GATA4: variants seen among roughly 807,000 people sequenced by gnomAD.
The protein encoded by GATA4 is GATA binding protein 4.
Under a neutral mutation model 37.9 loss-of-function variants are expected in GATA4, and 7 were observed. The ratio of observed to expected loss-of-function variants is 0.18; its 90% CI spans 0.11 to 0.35. The LOEUF is 0.35. GATA4 is among the 10% of genes least tolerant of loss of function. The pLI is 1.00. For missense variants in GATA4, 647 were observed against 653.0 expected (o/e 0.99, Z 0.10); for synonymous variants, 372 against 292.6 (o/e 1.27, Z -2.77).
In GATA4 at chr8:11,756,928, A is replaced by T; in HGVS notation, c.1001-7A>T. The T allele has an allele frequency of 6.2e-7, 1 of 1,614,204 alleles. No homozygotes were observed. The highest frequency in any genetic ancestry group is 8.5e-7 in the Non-Finnish European group (1 of 1,180,044). ...GATTTGGGTGTGCTGACTCTGCTTCATTCCAGCTCCTTCAGGCAGTGAGAG... is the reference window on the plus strand; with the variant it reads ...GATTTGGGTGTGCTGACTCTGCTTCTTTCCAGCTCCTTCAGGCAGTGAGAG... On this transcript the variant is annotated splice_polypyrimidine_tract_variant and splice_region_variant and intron_variant, in intron 5 of 6. Coordinates refer to ENST00000532059, the MANE Select transcript of GATA4 (RefSeq NM_001308093.3).
At chr8:11,702,331 G>T (rs1003368525), upstream of GATA4, among the ~76,000 whole-genome samples, 9 of 152,030 alleles carry the variant, frequency 5.9e-5, no homozygotes, top group Admixed American at 5.2e-4. This position sits in a 1 kb window ranked among gnomAD's most constrained non-coding sequence, Gnocchi z 4.4. Context: ...GAGACCCCGG[G>T]TAGCGCTGGA....
intron 1 of GATA4, among the ~76,000 whole-genome samples, chr8:11,682,900 G>A (rs142219990): frequency 1.3e-5 from 2 of 152,278 alleles, no homozygotes; most frequent in East Asian, 3.9e-4. Flanking sequence ...AACTACTCCG[G>A]AGAATTCGGT....
upstream of GATA4, among the ~76,000 whole-genome samples, chr8:11,703,177 T>TAAA (rs67213838): frequency 1.4e-5 from 2 of 144,538 alleles, no homozygotes; most frequent in East Asian, 4.0e-4. Flanking sequence ...AACGCGGCCT[T>TAAA]AAAAAAAAAA....
chr8:11,697,869 A>G (rs1286633089), intron 1 of GATA4: 1 of 985,280 alleles, frequency 1.0e-6, no homozygotes, highest in African/African-American at 1.7e-5. Flanking sequence ...CCTTTGCGGA[A>G]ACGGGCCGAG....
chr8:11,748,883 T>C, intron 2 of GATA4, 33 bp from the exon 3 acceptor site: 1 of 1,612,194 alleles, frequency 6.2e-7, no homozygotes, highest in Non-Finnish European at 8.5e-7. Context: ...ATTAATCCTC[T>C]GTGTCTTTTC....
chr8:11,718,501 C>A (rs1800530818), intron 2 of GATA4, among the ~76,000 whole-genome samples: 1 of 152,116 alleles, frequency 6.6e-6, no homozygotes, highest in Non-Finnish European at 1.5e-5. Context: ...TGTCTGTAAC[C>A]CACATTGAAT....
chr8:11,697,735 C>T, intron 1 of GATA4: 1 of 985,486 alleles, frequency 1.0e-6, no homozygotes, highest in Non-Finnish European at 1.2e-6. Context: ...CCTGTCTCTG[C>T]TCGCCGCGCC....
intron 2 of GATA4, among the ~76,000 whole-genome samples, chr8:11,727,629 G>A (rs1424328581): frequency 1.3e-5 from 2 of 152,040 alleles, no homozygotes; most frequent in African/African-American, 2.4e-5. Flanking sequence ...GATCGCTTGA[G>A]CTCAGGAGTT....
intron 4 of GATA4, among the ~76,000 whole-genome samples, chr8:11,754,470 G>A (rs529567497): frequency 4.0e-4 from 61 of 152,180 alleles, no homozygotes; most frequent in African/African-American, 1.4e-3. Flanking sequence ...CTCCCACCTC[G>A]GCCACCCAAA....
rs1423151035 is a variant in GATA4, at chr8:11,708,670, G to A, written c.358G>A (p.Ala120Thr). Residue 120 changes from alanine to threonine, a missense_variant, in exon 2 of 7, where the codon GCC becomes ACC. Physicochemically the swap from Ala to Thr is moderately conservative, Grantham distance 58. Coordinates refer to ENST00000532059, the MANE Select transcript of GATA4 (RefSeq NM_001308093.3). This position sits in a 1 kb window ranked among gnomAD's most constrained non-coding sequence, Gnocchi z 6.7. Reference protein sequence around the residue: ...FPGTTGSLAAAAAAAAAREAA... With the variant: ...FPGTTGSLAATAAAAAAREAA... ...GGGGACCACCGGGTCCCTGGCGGCC[G>A]CCGCCGCCGCTGCCGCGGCCCGGGA... is the stretch of plus-strand genomic sequence containing the variant. 3.9e-6 allele frequency: 5 copies of A among 1,286,550 alleles called. No individual in the cohort carries two copies. The highest frequency in any genetic ancestry group is 5.2e-5 in the South Asian group (2 of 38,646). 79.7% of individuals were successfully genotyped at this position (1,286,550 alleles called of 1,614,324 possible).
At chr8:11,750,666 C>T (rs76925297) in intron 4 of GATA4, among the ~76,000 whole-genome samples, 51 of 150,788 alleles carry the variant, frequency 3.4e-4, no homozygotes, top group African/African-American at 1.2e-3. Context: ...GGCATCATGA[C>T]TCATGCCTGT....
intron 2 of GATA4, among the ~76,000 whole-genome samples, chr8:11,723,855 T>G (rs1415539409): frequency 6.6e-6 from 1 of 152,230 alleles, no homozygotes; most frequent in Non-Finnish European, 1.5e-5. Flanking sequence ...CATTATTAAG[T>G]GTACAGTTGG....
chr8:11,704,230 C>A lies in GATA4; in HGVS notation c.-532C>A, dbSNP rs754541903. The A allele has an allele frequency of 6.6e-6, 1 of 152,412 alleles. No individual in the cohort carries two copies. Among genetic ancestry groups the A allele is most frequent in the Non-Finnish European group, 1.5e-5 (1 of 68,094 alleles). 9.4% of individuals were successfully genotyped at this position (152,412 alleles called of 1,614,324 possible). ...GACTTGGAGGCGGCCGGCGCAGGGG[C>A]CGCGAGAGGCTTCGTCGCCGCTGCA... On this transcript the variant is annotated 5_prime_UTR_variant, in exon 1 of 7. Coordinates refer to ENST00000532059, the MANE Select transcript of GATA4 (RefSeq NM_001308093.3).
chr8:11,739,531 A>C (rs1801622086), intron 2 of GATA4, among the ~76,000 whole-genome samples: 1 of 151,744 alleles, frequency 6.6e-6, no homozygotes, highest in African/African-American at 2.4e-5. Flanking sequence ...ACACACACAC[A>C]CACGGAAACT....
upstream of GATA4, among the ~76,000 whole-genome samples, chr8:11,699,155 G>A (rs1799593463): frequency 6.6e-6 from 1 of 152,198 alleles, no homozygotes; most frequent in South Asian, 2.1e-4. Context: ...CCTTTTGGGG[G>A]TGTAGAAGGG....
chr8:11,701,225 C>A (rs888430119), upstream of GATA4, among the ~76,000 whole-genome samples: 7 of 133,834 alleles, frequency 5.2e-5, no homozygotes, highest in Admixed American at 5.7e-4. Flanking sequence ...GACACTGGGT[C>A]ATTAGACCCA....
chr8:11,694,203 A>G (rs1044783582), intron 1 of GATA4, among the ~76,000 whole-genome samples: 2 of 152,206 alleles, frequency 1.3e-5, no homozygotes, highest in Non-Finnish European at 2.9e-5. Context: ...CCTGGCACAT[A>G]GTAAACATTC....
chr8:11,758,551 C>A lies in GATA4; in HGVS notation c.*76C>A, dbSNP rs1306330674. Reference sequence around the variant, plus strand: ...TAGCAAAGAAGGAGGCCCTGGGCTCCCAGGGGCCGGCCTCCTCTGCCTGGT... The same window carrying A: ...TAGCAAAGAAGGAGGCCCTGGGCTCACAGGGGCCGGCCTCCTCTGCCTGGT... On this transcript the variant is annotated 3_prime_UTR_variant, in exon 7 of 7. Coordinates refer to ENST00000532059, the MANE Select transcript of GATA4 (RefSeq NM_001308093.3). 2 of 1,478,518 alleles carry A rather than the reference C, an allele frequency of 1.4e-6. No homozygotes were observed. The highest frequency in any genetic ancestry group is 9.5e-7 in the Non-Finnish European group (1 of 1,058,102). 91.6% of individuals were successfully genotyped at this position (1,478,518 alleles called of 1,614,324 possible). A position where few individuals can be genotyped will look rare whatever the true frequency, so the allele number is the denominator to read the frequency against.
upstream of GATA4, among the ~76,000 whole-genome samples, chr8:11,690,415 C>T (rs1427101708): frequency 1.3e-5 from 2 of 152,074 alleles, no homozygotes; most frequent in African/African-American, 4.8e-5. Flanking sequence ...AAGATTTCTG[C>T]CTTCAAGGAG....
Sources: allele counts gnomAD v4.1 joint callset (sites outside exome capture counted in the v4.1 genomes callset), GRCh38; gene constraint gnomAD v4.1.1; non-coding constraint Gnocchi (gnomAD v3.1); transcripts MANE v1.5; gene names NCBI Gene and HGNC (gene_info 2026-07-23, HGNC 2026-07-21).